IGFL4: variants seen among roughly 807,000 people sequenced by gnomAD.
IGFL4 encodes IGF like family member 4, also known as insulin growth factor-like family member 4.
A neutral mutation model predicts 15.4 loss-of-function variants in IGFL4; 12 were observed. That is an observed-to-expected ratio of 0.78 (90% CI 0.50 to 1.26). The LOEUF (loss-of-function observed/expected upper bound fraction) is 1.26. Among genes scored for constraint, IGFL4 ranks in the 50% most tolerant of loss-of-function variants. The probability of loss-of-function intolerance (pLI) is 0.00; values close to 1 mark genes in which losing one functional copy is unlikely to be tolerated. For synonymous variants in IGFL4, 54 were observed against 55.9 expected (o/e 0.97, Z 0.16); for missense variants, 126 against 147.8 (o/e 0.85, Z 0.76).
At chr19:46,076,207 A>G (rs1969594212) in intron 1 of IGFL4, among the ~76,000 whole-genome samples, 1 of 152,198 alleles carries the variant, frequency 6.6e-6, no homozygotes, top group Admixed American at 6.5e-5. Flanking sequence ...ATCATCTCCT[A>G]TAAACCTACC....
At chr19:46,062,082 C>T (rs1969450611) in intron 1 of IGFL4, among the ~76,000 whole-genome samples, 1 of 152,170 alleles carries the variant, frequency 6.6e-6, no homozygotes, top group East Asian at 1.9e-4. Context: ...GTAGCACTTC[C>T]TGTTTTTCCC....
chr19:46,064,670 T>G (rs1969477893), intron 1 of IGFL4, among the ~76,000 whole-genome samples: 1 of 152,212 alleles, frequency 6.6e-6, no homozygotes, highest in Non-Finnish European at 1.5e-5. Flanking sequence ...TTTTTATGAC[T>G]AAATAGTACT....
intron 2 of IGFL4, among the ~76,000 whole-genome samples, chr19:46,052,717 C>A (rs531125370): frequency 6.0e-5 from 3 of 50,208 alleles, no homozygotes; most frequent in African/African-American, 1.7e-4. Flanking sequence ...AGTGAAACTC[C>A]GTCAAAAAAA....
At chr19:46,072,700 G>A (rs925285961) in intron 1 of IGFL4, among the ~76,000 whole-genome samples, 4 of 152,206 alleles carry the variant, frequency 2.6e-5, no homozygotes, top group Non-Finnish European at 5.9e-5. Flanking sequence ...GGGAAAGGCA[G>A]AACAGGGCAG....
chr19:46,074,075 C>T, intron 1 of IGFL4, among the ~76,000 whole-genome samples: 1 of 151,960 alleles, frequency 6.6e-6, no homozygotes, highest in East Asian at 1.9e-4. Flanking sequence ...CCTGACTGAG[C>T]CTGGAGGATT....
At chr19:46,067,941 A>G (rs1248599393) in intron 1 of IGFL4, among the ~76,000 whole-genome samples, 1 of 152,210 alleles carries the variant, frequency 6.6e-6, no homozygotes, top group African/African-American at 2.4e-5. Flanking sequence ...CAATGATGAC[A>G]AACATTCTTT....
chr19:46,051,404 C>G (rs550558054), intron 2 of IGFL4, among the ~76,000 whole-genome samples: 2 of 151,950 alleles, frequency 1.3e-5, no homozygotes, highest in African/African-American at 4.8e-5. Flanking sequence ...ATCAGGTGGG[C>G]GTGGTGGCAG....
intron 2 of IGFL4, among the ~76,000 whole-genome samples, chr19:46,055,231 C>T (rs1471477618): frequency 6.6e-6 from 1 of 152,134 alleles, no homozygotes; most frequent in Non-Finnish European, 1.5e-5. Flanking sequence ...GATTTGTTCT[C>T]AGTAATATGT....
intron 1 of IGFL4, among the ~76,000 whole-genome samples, chr19:46,065,835 T>C (rs1173129321): frequency 6.6e-6 from 1 of 152,220 alleles, no homozygotes; most frequent in African/African-American, 2.4e-5. Context: ...TTCTCAGGGC[T>C]GCTCTCTAGA....
rs539458912 is a variant in IGFL4, at chr19:46,040,378, C to T, written c.109G>A (p.Gly37Arg). ...LWLCQPAPRC[G>R]EWTYNPLEQC... ...TCCAAGGGGTTGTAGGTCCACTCCC[C>T]GCACCTGGGCGCTGGCTGGCATAGC... is the stretch of plus-strand genomic sequence containing the variant. The change falls in exon 3 of 4, where the codon GGG (glycine) becomes AGG (arginine). Residue 37 changes from glycine to arginine, a missense_variant. Gly to Arg is a moderately radical substitution (Grantham distance 125). Transcript: ENST00000377697. This position sits in a 1 kb window ranked among gnomAD's most constrained non-coding sequence, Gnocchi z 4.1. 3.7e-5 allele frequency: 59 copies of T among 1,614,066 alleles called. No homozygotes were observed. In the Middle Eastern group the frequency reaches 4.9e-4, roughly 13 times the overall value.
At chr19:46,067,288 C>T (rs973118073) in intron 1 of IGFL4, among the ~76,000 whole-genome samples, 15 of 152,312 alleles carry the variant, frequency 9.8e-5, no homozygotes, top group Admixed American at 3.3e-4. Context: ...CAGGCCCTCG[C>T]TGTTTTCCTC....
At chr19:46,074,972 A>G (rs1019562465) in intron 1 of IGFL4, among the ~76,000 whole-genome samples, 1 of 152,226 alleles carries the variant, frequency 6.6e-6, no homozygotes, top group Non-Finnish European at 1.5e-5. Context: ...GGAAGTCACA[A>G]GGTAAGCCCA....
chr19:46,045,779 C>T (rs189336165), upstream of IGFL4, among the ~76,000 whole-genome samples: 17 of 152,200 alleles, frequency 1.1e-4, 1 homozygote, highest in Admixed American at 9.2e-4. Flanking sequence ...GAGACAGAAT[C>T]TATGACTGAT....
chr19:46,067,808 C>T (rs1450388295), intron 1 of IGFL4, among the ~76,000 whole-genome samples: 2 of 152,116 alleles, frequency 1.3e-5, no homozygotes, highest in Admixed American at 6.5e-5. Context: ...AGTCAGCCAG[C>T]CCCCAGGTGT....
At chr19:46,052,369 A>G (rs1299999663) in intron 2 of IGFL4, among the ~76,000 whole-genome samples, 1 of 152,258 alleles carries the variant, frequency 6.6e-6, no homozygotes, top group Non-Finnish European at 1.5e-5. Flanking sequence ...ATACATGGAA[A>G]TTAAATAACC....
chr19:46,055,420 G>A (rs1568713319), intron 2 of IGFL4, among the ~76,000 whole-genome samples: 2 of 152,080 alleles, frequency 1.3e-5, no homozygotes, highest in Non-Finnish European at 2.9e-5. Flanking sequence ...ATCTATCATT[G>A]CATGTTTTGT....
chr19:46,075,315 G>A (rs1969585202), intron 1 of IGFL4, among the ~76,000 whole-genome samples: 1 of 152,076 alleles, frequency 6.6e-6, no homozygotes. Flanking sequence ...TCCTATTCAG[G>A]ACACATTGCA....
At chr19:46,076,904 G>C (rs1333161148) in intron 1 of IGFL4, 4 of 152,144 alleles carry the variant, frequency 2.6e-5, no homozygotes, top group African/African-American at 9.7e-5. Context: ...CACAAAGAGG[G>C]TGTGAGATTC....
chr19:46,054,546 C>T (rs1351075417), intron 2 of IGFL4, among the ~76,000 whole-genome samples: 1 of 152,156 alleles, frequency 6.6e-6, no homozygotes, highest in Non-Finnish European at 1.5e-5. Flanking sequence ...TGTGATGCTT[C>T]CAGCTTTGTT....
Sources: allele counts gnomAD v4.1 joint callset (sites outside exome capture counted in the v4.1 genomes callset), GRCh38; gene constraint gnomAD v4.1.1; non-coding constraint Gnocchi (gnomAD v3.1); transcripts MANE v1.5; gene names NCBI Gene and HGNC (gene_info 2026-07-23, HGNC 2026-07-21).